Variants in EPHA7 observed in about 807,000 individuals in gnomAD.
EPHA7 encodes the protein EPH receptor A7.
Under a neutral mutation model 112.6 loss-of-function variants are expected in EPHA7, and 25 were observed. The observed-to-expected ratio is 0.22, with a 90% CI of 0.16 to 0.31. The LOEUF (loss-of-function observed/expected upper bound fraction) is 0.31. EPHA7 is among the 10% of genes least tolerant of loss of function. The pLI is 1.00. For synonymous variants in EPHA7, 437 were observed against 406.5 expected (o/e 1.07, Z -0.90); for missense variants, 962 against 1,212.6 (o/e 0.79, Z 3.07).
At chr6:93,386,696 T>TGCAGCAAACTTCTGCCTGG (rs367873040) in intron 3 of EPHA7, among the ~76,000 whole-genome samples, 1,814 of 152,266 alleles carry the variant, frequency 0.012, 41 homozygotes, top group African/African-American at 0.041. Flanking sequence ...GCTCCACACC[T>TGCAGCAAACTTCTGCCTGG]ACATCTGGGT....
rs148805857 is a variant in EPHA7 at position 93,278,952 on chromosome 6, T to C, written c.1325-6530A>G. On this transcript the variant is annotated intron_variant, in intron 5 of 16. Transcript: ENST00000369303. ...TGAGAATCCATGATGTGCCAGGACA[T>C]TAGGTTTTGAGAATATAAGGATCAA... Among the ~76,000 whole-genome samples the C allele has an allele frequency of 1.8e-3, 271 of 152,156 alleles. 3 individuals are homozygous for C. Among genetic ancestry groups the C allele is most frequent in the Admixed American group, 0.011 (164 of 15,264 alleles).
chr6:93,279,801 A>C (rs928130009), intron 5 of EPHA7, among the ~76,000 whole-genome samples: 1 of 152,036 alleles, frequency 6.6e-6, no homozygotes, highest in Non-Finnish European at 1.5e-5. Context: ...TTGATGAAAG[A>C]AGCATTTCTT....
rs1348732022 is a variant in EPHA7, at chr6:93,243,294, T to C, written c.*132A>G. 8.5e-6 allele frequency: 5 copies of C among 586,982 alleles called. No homozygotes were observed. The highest frequency in any genetic ancestry group is 1.5e-5 in the Non-Finnish European group (5 of 339,890). 36.4% of individuals were successfully genotyped at this position (586,982 alleles called of 1,614,324 possible). ...TTAGGAGTTCAAGTCTATAGGTGCTTCTTAAATCTTCTCTTCACTGTTGGA... is the reference window on the plus strand; with the variant it reads ...TTAGGAGTTCAAGTCTATAGGTGCTCCTTAAATCTTCTCTTCACTGTTGGA... On this transcript the variant is annotated 3_prime_UTR_variant, in exon 17 of 17. Coordinates refer to ENST00000369303, the MANE Select transcript of EPHA7 (RefSeq NM_004440.4).
intron 3 of EPHA7, among the ~76,000 whole-genome samples, chr6:93,384,736 T>C (rs1452018245): frequency 2.0e-5 from 3 of 152,164 alleles, no homozygotes; most frequent in Non-Finnish European, 4.4e-5. Flanking sequence ...TTCCCTCACT[T>C]TAATTAGAAT....
chr6:93,359,393 T>G (rs1776127061), intron 3 of EPHA7, among the ~76,000 whole-genome samples: 1 of 151,048 alleles, frequency 6.6e-6, no homozygotes, highest in Non-Finnish European at 1.5e-5. Flanking sequence ...TTGAAGACAT[T>G]CAATCTATTC....
In EPHA7 at chr6:93,251,612, G is replaced by T. The variant is rs138582884; in HGVS notation, c.2532+3035C>A. ...AAAATACTAATGTAAGAAAAATACT[G>T]CTAGAAGAAAAAAAATCTATATAGT... On this transcript the variant is annotated intron_variant, in intron 14 of 16. Coordinates refer to ENST00000369303, the MANE Select transcript of EPHA7 (RefSeq NM_004440.4). Among the ~76,000 whole-genome samples, 43 of 93,544 alleles carry T rather than the reference G, an allele frequency of 4.6e-4. 1 individual carries two copies. The Middle Eastern group carries it at 0.025, about 54-fold the overall frequency. The allele number at this position is 93,544 out of a possible 152,430, so 61.4% of individuals were successfully genotyped here.
At chr6:93,302,037 G>A (rs1185103083) in intron 5 of EPHA7, among the ~76,000 whole-genome samples, 1 of 152,148 alleles carries the variant, frequency 6.6e-6, no homozygotes, top group Non-Finnish European at 1.5e-5. Flanking sequence ...CTCTTAAGTA[G>A]GGTTGGTTGT....
chr6:93,408,216 C>A (rs1284016311), intron 3 of EPHA7, among the ~76,000 whole-genome samples: 1 of 151,800 alleles, frequency 6.6e-6, no homozygotes, highest in Non-Finnish European at 1.5e-5. Flanking sequence ...GTTTTAAGTT[C>A]CTTTTTCATA....
chr6:93,403,661 TAAAA>T (rs59162017), intron 3 of EPHA7, among the ~76,000 whole-genome samples: 2 of 128,680 alleles, frequency 1.6e-5, no homozygotes, highest in Admixed American at 8.0e-5. Flanking sequence ...ACTCATCTCT[TAAAA>T]AAAAAAAAAA....
At chr6:93,279,844 T>C (rs1457544313) in intron 5 of EPHA7, among the ~76,000 whole-genome samples, 1 of 152,180 alleles carries the variant, frequency 6.6e-6, no homozygotes, top group Non-Finnish European at 1.5e-5. Context: ...ATTTTCTTTC[T>C]GGTGCTAGCT....
At chr6:93,308,331 T>A (rs1684822) in intron 5 of EPHA7, among the ~76,000 whole-genome samples, 93,404 of 151,908 alleles carry the variant, frequency 0.61, 28,927 homozygotes, top group African/African-American at 0.71. Flanking sequence ...ATAGATTACA[T>A]TATACCAAAG....
rs568460999 is a variant in EPHA7 at position 93,315,411 on chromosome 6, G to A, written c.1324+41306C>T. On this transcript the variant is annotated intron_variant, in intron 5 of 16. Transcript: ENST00000369303. The stretch of plus-strand genomic sequence containing the variant: ...AATTATAAGAATATGCAGCAGTTGC[G>A]TGGTCTGTCTTTGTCTTCAAAGGTC... Among the ~76,000 whole-genome samples, 76 of 152,212 alleles carry A rather than the reference G, an allele frequency of 5.0e-4. 1 individual carries two copies. The highest frequency in any genetic ancestry group is 1.7e-3 in the African/African-American group (71 of 41,546).
intron 16 of EPHA7, 64 bp from the exon 17 acceptor site, chr6:93,243,604 T>TTTAATTAGTTAATTAAA: frequency 9.2e-7 from 1 of 1,084,248 alleles, no homozygotes; most frequent in South Asian, 1.3e-5. Flanking sequence ...CACTAAACTG[T>TTTAATTAGTTAATTAAA]CATCAACTGT....
chr6:93,322,903 A>G (rs1774145375), intron 5 of EPHA7, among the ~76,000 whole-genome samples: 1 of 151,546 alleles, frequency 6.6e-6, no homozygotes, highest in Non-Finnish European at 1.5e-5. Context: ...AGCACTATGA[A>G]TGAATATGTC....
At chr6:93,367,558 T>C (rs1393711538) in intron 3 of EPHA7, among the ~76,000 whole-genome samples, 2 of 152,126 alleles carry the variant, frequency 1.3e-5, no homozygotes, top group Non-Finnish European at 1.5e-5. Context: ...AGGTCTCACT[T>C]CAATGATCCT....
intron 5 of EPHA7, among the ~76,000 whole-genome samples, chr6:93,299,195 G>C (rs746511192): frequency 6.6e-6 from 1 of 151,842 alleles, no homozygotes; most frequent in Non-Finnish European, 1.5e-5. Context: ...GCGTGGTGGC[G>C]GGCGCCTGTA....
chr6:93,259,360 C>A lies in EPHA7; in HGVS notation c.1918G>T (p.Gly640Cys), dbSNP rs531906513. 3.1e-6 allele frequency: 5 copies of A among 1,611,556 alleles called. No homozygotes were observed. Among genetic ancestry groups the A allele is most frequent in the South Asian group, 2.2e-5 (2 of 91,018 alleles). The change falls in exon 10 of 17, where the codon GGT becomes TGT. Residue 640 changes from glycine to cysteine, a missense_variant. Physicochemically the swap from Gly to Cys is radical, Grantham distance 159. This residue lies in a region of EPHA7 where 746 missense variants were observed against 889.2 expected (regional missense o/e 0.84). Coordinates refer to ENST00000369303, the MANE Select transcript of EPHA7 (RefSeq NM_004440.4). ...ASCIKIERVIGAGEFGEVCSG... is the reference protein window; with the variant it reads ...ASCIKIERVICAGEFGEVCSG... ...GAAGCTACAATAGCCTTACCTGCAC[C>A]AATCACACGCTCAATTTTAATACAG...
intron 5 of EPHA7, among the ~76,000 whole-genome samples, chr6:93,348,892 C>T (rs5006584): frequency 0.85 from 129,236 of 151,492 alleles, 55,292 homozygotes; most frequent in African/African-American, 0.91. Context: ...CCATTTTCCC[C>T]TAATGAAGCC....
intron 5 of EPHA7, among the ~76,000 whole-genome samples, chr6:93,288,290 A>G (rs1467064900): frequency 6.6e-6 from 1 of 152,234 alleles, no homozygotes; most frequent in African/African-American, 2.4e-5. Flanking sequence ...ACCTCAAAAA[A>G]TTAGGCTAGG....
Sources: gnomAD v4.1 joint callset for allele counts (sites outside exome capture counted in the v4.1 genomes callset) on GRCh38, gnomAD v4.1.1 for gene constraint, gnomAD v4.1.1 regional missense constraint, MANE v1.5 for transcripts, NCBI Gene and HGNC (gene_info 2026-07-23, HGNC 2026-07-21) for gene names.